The following RBM41 variants were observed in gnomAD, a reference collection of about 807,000 sequenced individuals.
RBM41 encodes the protein RNA binding motif protein 41, also known as RNA-binding protein 41.
In RBM41, 14 loss-of-function variants were observed where a neutral mutation model predicts 30.8. The observed-to-expected ratio is 0.45, with a 90% CI of 0.30 to 0.71. The LOEUF (loss-of-function observed/expected upper bound fraction) is 0.71, where lower values mean the gene tolerates loss of function less well. Among genes scored for constraint, RBM41 ranks in the 30% least tolerant of loss-of-function variants. The pLI, the probability that RBM41 is intolerant of heterozygous loss-of-function variation, is 0.08. For missense variants in RBM41, 276 were observed against 326.3 expected (o/e 0.85, Z 1.19); for synonymous variants, 120 against 110.1 (o/e 1.09, Z -0.56).
intron 6 of RBM41, among the ~76,000 whole-genome samples, chrX:107,082,988 C>T (rs1921676781): frequency 9.0e-6 from 1 of 110,882 alleles, no homozygotes; most frequent in Non-Finnish European, 1.9e-5. Context: ...AATGCATTCT[C>T]CTACGCTCTT....
chrX:107,065,675 C>G lies in RBM41; in HGVS notation c.*1852G>C, dbSNP rs1433884402. 1 of 1,053,242 alleles carries G rather than the reference C, an allele frequency of 9.5e-7. No homozygotes were observed. The highest frequency in any genetic ancestry group is 3.6e-5 in the Admixed American group (1 of 28,059). 86.8% of individuals were successfully genotyped at this position (1,053,242 alleles called of 1,213,427 possible). On this transcript the variant is annotated 3_prime_UTR_variant, in exon 8 of 8. Coordinates refer to ENST00000685964, the MANE Select transcript of RBM41 (RefSeq NM_001324242.2). ...ACTTATTTCCTATTTCACGTTCTCT[C>G]CATTTGTTCCTGTGGATTTGTCTTA...
At chrX:107,082,327 T>C (rs1192695244) in intron 6 of RBM41, among the ~76,000 whole-genome samples, 1 of 112,130 alleles carries the variant, frequency 8.9e-6, no homozygotes, top group Non-Finnish European at 1.9e-5. Flanking sequence ...GAATTTCAAA[T>C]GTTGAACCTA....
At chrX:107,100,353 G>T (rs1436548129) in intron 5 of RBM41, among the ~76,000 whole-genome samples, 9 of 110,394 alleles carry the variant, frequency 8.2e-5, no homozygotes, top group Non-Finnish European at 7.6e-5. Flanking sequence ...TTAGCCAGGG[G>T]TGATGGCAAA....
chrX:107,101,446 A>C (rs1385500698), intron 5 of RBM41, among the ~76,000 whole-genome samples: 3 of 111,690 alleles, frequency 2.7e-5, no homozygotes, highest in Non-Finnish European at 5.6e-5. Flanking sequence ...GTTAAGGTGA[A>C]GTCACAGGGT....
chrX:107,053,485 G>C, the RBM41 span, among the ~76,000 whole-genome samples: 1 of 113,099 alleles, frequency 8.8e-6, no homozygotes, highest in Non-Finnish European at 1.9e-5. Flanking sequence ...TACTAAAACG[G>C]AAGTGGTGTT....
chrX:107,084,648 A>G (rs1185575450), intron 6 of RBM41, among the ~76,000 whole-genome samples: 1 of 111,397 alleles, frequency 9.0e-6, no homozygotes, highest in Non-Finnish European at 1.9e-5. Flanking sequence ...GCAATTTGTC[A>G]AAGTTACCAC....
chrX:107,112,330 T>C (rs778401290), intron 5 of RBM41, among the ~76,000 whole-genome samples: 38 of 111,425 alleles, frequency 3.4e-4, no homozygotes, highest in Non-Finnish European at 6.4e-4. Context: ...AAAACTACAA[T>C]GAGGTACCAC....
At chrX:107,088,942 G>T in intron 5 of RBM41, 103 bp from the exon 6 acceptor site, 1 of 1,038,066 alleles carries the variant, frequency 9.6e-7, no homozygotes, top group East Asian at 3.1e-5. Context: ...AAGAAACACT[G>T]CTGGGGCAGG....
At chrX:107,072,250 TGAAA>T (rs1343359832) in intron 6 of RBM41, among the ~76,000 whole-genome samples, 3 of 110,323 alleles carry the variant, frequency 2.7e-5, no homozygotes, top group African/African-American at 6.6e-5. Context: ...AAAAAAAACC[TGAAA>T]GAGTCTACCA....
the RBM41 span, among the ~76,000 whole-genome samples, chrX:107,053,535 G>T: frequency 3.5e-5 from 4 of 112,901 alleles, no homozygotes; most frequent in African/African-American, 1.3e-4. Flanking sequence ...CAGGAACAGG[G>T]ATTGAAATGT....
chrX:107,058,899 C>T (rs766219414), downstream of RBM41, among the ~76,000 whole-genome samples: 4 of 110,696 alleles, frequency 3.6e-5, no homozygotes, highest in East Asian at 1.1e-3. Context: ...TCTTGGGTCT[C>T]TTTTTTTTGT....
At position 107,118,270 on chromosome X, in the gene RBM41, C is replaced by A. The variant is rs746382506; in HGVS notation, c.8+496G>T. On this transcript the variant is annotated intron_variant, in intron 1 of 7. Coordinates refer to ENST00000685964, the MANE Select transcript of RBM41 (RefSeq NM_001324242.2). ...CCTTCCACATTTAGAAACAAAGTAC[C>A]GCTCCCTTACTTTAAGATTCGAAAG... Among the ~76,000 whole-genome samples the A allele has an allele frequency of 9.6e-5, 10 of 103,717 alleles. No individual in the cohort carries two copies. The East Asian group carries it at 3.1e-3, about 32-fold the overall frequency. The allele number at this position is 103,717 out of a possible 115,157, so 90.1% of individuals were successfully genotyped here. A position where few individuals can be genotyped will look rare whatever the true frequency, so the allele number is the denominator to read the frequency against.
chrX:107,084,521 T>C (rs1921844739), intron 6 of RBM41, among the ~76,000 whole-genome samples: 1 of 110,779 alleles, frequency 9.0e-6, no homozygotes, highest in Non-Finnish European at 1.9e-5. Flanking sequence ...AAACAAGAGA[T>C]TTTTTTTTCT....
chrX:107,117,211 C>A (rs1285584), intron 1 of RBM41, among the ~76,000 whole-genome samples: 40,961 of 110,945 alleles, frequency 0.37, 8,101 homozygotes, highest in African/African-American at 0.77. Context: ...GTGTGTGATG[C>A]AGAAAAGGAG....
At chrX:107,055,795 T>C in the RBM41 span, among the ~76,000 whole-genome samples, 2 of 112,666 alleles carry the variant, frequency 1.8e-5, no homozygotes, top group South Asian at 3.6e-4. Context: ...TGTATTCTTA[T>C]ACTCATCCTT....
downstream of RBM41, among the ~76,000 whole-genome samples, chrX:107,058,619 C>G (rs1057006302): frequency 1.8e-5 from 2 of 111,673 alleles, no homozygotes; most frequent in Non-Finnish European, 3.8e-5. Flanking sequence ...TGCCCTTAAC[C>G]ATTATACTGT....
chrX:107,056,811 C>CTT, the RBM41 span, among the ~76,000 whole-genome samples: 27 of 97,162 alleles, frequency 2.8e-4, 1 homozygote, highest in East Asian at 1.3e-3. Flanking sequence ...CTCAAATAAT[C>CTT]TTTTTTTTTT....
chrX:107,108,375 T>C (rs1220200541), intron 5 of RBM41, among the ~76,000 whole-genome samples: 6 of 111,369 alleles, frequency 5.4e-5, no homozygotes, highest in South Asian at 3.8e-4. Flanking sequence ...GTGACTCCCA[T>C]TGAATAAAGT....
chrX:107,085,266 T>C (rs4826950), intron 6 of RBM41, among the ~76,000 whole-genome samples: 10 of 57,932 alleles, frequency 1.7e-4, no homozygotes, highest in East Asian at 8.5e-4. Context: ...TTTTCTTTTT[T>C]TTTTTTTTTT....
Sources: gnomAD v4.1 joint callset for allele counts (sites outside exome capture counted in the v4.1 genomes callset) on GRCh38, gnomAD v4.1.1 for gene constraint, MANE v1.5 for transcripts, NCBI Gene and HGNC (gene_info 2026-07-23, HGNC 2026-07-21) for gene names.